DLG2: variants seen among roughly 807,000 people sequenced by gnomAD.
DLG2 encodes disks large homolog 2.
DLG2 carries 45 observed loss-of-function variants against 132.5 expected under a neutral mutation model. The ratio of observed to expected loss-of-function variants is 0.34; its 90% CI spans 0.27 to 0.44. The LOEUF (loss-of-function observed/expected upper bound fraction) is 0.44, where lower values mean the gene tolerates loss of function less well. Among genes scored for constraint, DLG2 ranks in the 20% least tolerant of loss-of-function variants. The pLI is 1.00. For missense variants in DLG2, 1,045 were observed against 1,196.9 expected (o/e 0.87, Z 1.87); for synonymous variants, 424 against 419.6 (o/e 1.01, Z -0.13).
chr11:84,835,239 C>T (rs1415253253), intron 6 of DLG2, among the ~76,000 whole-genome samples: 1 of 151,514 alleles, frequency 6.6e-6, no homozygotes, highest in African/African-American at 2.4e-5. Flanking sequence ...TTTTTTTAAT[C>T]TCAGGAACTA....
At chr11:84,156,344 C>T (rs2095429450) in intron 9 of DLG2, among the ~76,000 whole-genome samples, 1 of 151,986 alleles carries the variant, frequency 6.6e-6, no homozygotes, top group African/African-American at 2.4e-5. Flanking sequence ...CTTATATAAC[C>T]CCAACATGAT....
intron 6 of DLG2, among the ~76,000 whole-genome samples, chr11:84,645,780 AAT>A (rs1476102964): frequency 6.6e-6 from 1 of 152,060 alleles, no homozygotes; most frequent in African/African-American, 2.4e-5. Context: ...AGTTATATTT[AAT>A]AATGTTTTTG....
intron 7 of DLG2, among the ~76,000 whole-genome samples, chr11:84,508,466 A>C (rs1216724076): frequency 6.7e-6 from 1 of 148,380 alleles, no homozygotes; most frequent in Non-Finnish European, 1.5e-5. Flanking sequence ...GCAGTGGCGC[A>C]ATCTCAGCTC....
chr11:85,321,699 T>C (rs932605001), intron 3 of DLG2, among the ~76,000 whole-genome samples: 6 of 152,084 alleles, frequency 3.9e-5, no homozygotes, highest in East Asian at 3.9e-4. Flanking sequence ...TAGAGTTAAA[T>C]GTATCAAGGA....
At chr11:84,885,328 A>G (rs1043019255) in intron 6 of DLG2, among the ~76,000 whole-genome samples, 2 of 152,028 alleles carry the variant, frequency 1.3e-5, no homozygotes, top group African/African-American at 4.8e-5. Flanking sequence ...ACATTAGGAA[A>G]GCAATACAGA....
chr11:84,444,574 A>G (rs937572275), intron 7 of DLG2, among the ~76,000 whole-genome samples: 1 of 152,054 alleles, frequency 6.6e-6, no homozygotes, highest in Non-Finnish European at 1.5e-5. Context: ...TGAGTTATAT[A>G]TCTAGATAAT....
At chr11:83,844,431 C>G (rs1382041613) in intron 16 of DLG2, among the ~76,000 whole-genome samples, 1 of 150,382 alleles carries the variant, frequency 6.6e-6, no homozygotes, top group Non-Finnish European at 1.5e-5. Flanking sequence ...GTCTGTAATC[C>G]CAGCTACTTG....
chr11:84,456,895 G>A (rs894156422), intron 7 of DLG2, among the ~76,000 whole-genome samples: 2 of 150,892 alleles, frequency 1.3e-5, no homozygotes, highest in Admixed American at 6.6e-5. Flanking sequence ...GAAGTGATGT[G>A]GTTTTAAGTA....
intron 6 of DLG2, among the ~76,000 whole-genome samples, chr11:84,592,594 C>A (rs2099546047): frequency 6.6e-6 from 1 of 151,900 alleles, no homozygotes; most frequent in South Asian, 2.1e-4. Flanking sequence ...TATCCAGAAT[C>A]TACAAGGAAC....
chr11:85,544,917 C>A (rs1396767554), intron 3 of DLG2, among the ~76,000 whole-genome samples: 2 of 152,184 alleles, frequency 1.3e-5, no homozygotes, highest in Non-Finnish European at 2.9e-5. Context: ...TCTAAATACA[C>A]AATCATGTCA....
intron 4 of DLG2, among the ~76,000 whole-genome samples, chr11:85,282,600 G>A (rs534348965): frequency 4.6e-4 from 70 of 151,940 alleles, no homozygotes; most frequent in African/African-American, 1.7e-3. Flanking sequence ...CAGTATAAGC[G>A]GAAAGTGAGT....
At chr11:84,562,049 TA>T (rs565957577) in intron 6 of DLG2, among the ~76,000 whole-genome samples, 125 of 151,022 alleles carry the variant, frequency 8.3e-4, no homozygotes, top group Non-Finnish European at 1.4e-3. Context: ...TTTTAAAAGT[TA>T]AAAAAAAAGT....
chr11:83,617,736 G>T (rs2061045150), intron 19 of DLG2, among the ~76,000 whole-genome samples: 1 of 152,100 alleles, frequency 6.6e-6, no homozygotes, highest in Non-Finnish European at 1.5e-5. Flanking sequence ...GTTTAGGCTG[G>T]CTCCCTGGCT....
intron 17 of DLG2, among the ~76,000 whole-genome samples, chr11:83,825,228 C>T (rs1254948176): frequency 1.6e-5 from 2 of 128,396 alleles, no homozygotes; most frequent in African/African-American, 5.9e-5. Context: ...GTTGCCCAGG[C>T]TGGAATGCAA....
At chr11:84,511,886 G>A (rs1485695244) in intron 7 of DLG2, among the ~76,000 whole-genome samples, 2 of 152,154 alleles carry the variant, frequency 1.3e-5, no homozygotes, top group East Asian at 3.9e-4. Context: ...CAATATATCT[G>A]ATTTGGTAAA....
chr11:85,546,533 G>T (rs544620040), intron 3 of DLG2, among the ~76,000 whole-genome samples: 31 of 152,166 alleles, frequency 2.0e-4, no homozygotes, highest in African/African-American at 7.0e-4. Flanking sequence ...CTGAGTTCAC[G>T]TCCTGGATAT....
chr11:83,997,842 G>T (rs924723518), intron 11 of DLG2, among the ~76,000 whole-genome samples: 2 of 146,026 alleles, frequency 1.4e-5, no homozygotes, highest in Non-Finnish European at 3.0e-5. Flanking sequence ...GACAATTTTA[G>T]ATACTGAGAA....
chr11:84,547,166 A>C (rs1374687209), intron 6 of DLG2, among the ~76,000 whole-genome samples: 2 of 152,232 alleles, frequency 1.3e-5, no homozygotes, highest in Non-Finnish European at 2.9e-5. Context: ...TCTGTGATCT[A>C]GTAAGTAGTC....
At chr11:83,987,046 C>A (rs989419621) in intron 11 of DLG2, among the ~76,000 whole-genome samples, 1 of 152,064 alleles carries the variant, frequency 6.6e-6, no homozygotes, top group Non-Finnish European at 1.5e-5. Context: ...TTTTGCTGTG[C>A]AGAAGCTCTT....
Sources: gnomAD v4.1 joint callset for allele counts (sites outside exome capture counted in the v4.1 genomes callset) on GRCh38, gnomAD v4.1.1 for gene constraint, MANE v1.5 for transcripts, NCBI Gene and HGNC (gene_info 2026-07-23, HGNC 2026-07-21) for gene names.